REPS2: variants seen among roughly 807,000 people sequenced by gnomAD.
REPS2 encodes ralBP1-associated Eps domain-containing protein 2.
REPS2 carries 23 observed loss-of-function variants against 53.6 expected under a neutral mutation model. The observed-to-expected ratio is 0.43, with a 90% CI of 0.31 to 0.61. REPS2 has a LOEUF of 0.61. Ranked by LOEUF, REPS2 falls within the 20% of genes least tolerant of loss-of-function variation. The pLI is 0.11. For missense variants in REPS2, 446 were observed against 534.9 expected (o/e 0.83, Z 1.64); for synonymous variants, 238 against 218.6 (o/e 1.09, Z -0.78).
At chrX:17,068,341 T>C (rs1164210983) in intron 9 of REPS2, 61 bp from the exon 10 acceptor site, 24 of 986,423 alleles carry the variant, frequency 2.4e-5, no homozygotes, top group Non-Finnish European at 3.4e-5. Flanking sequence ...TTTCATCATA[T>C]GTGCGCATCA....
At chrX:17,102,028 T>TTATGTTATG (rs2062811590) in intron 13 of REPS2, among the ~76,000 whole-genome samples, 4 of 95,264 alleles carry the variant, frequency 4.2e-5, no homozygotes, top group African/African-American at 1.7e-4. Context: ...TTTATTTTAT[T>TTATGTTATG]TTATGTTATG....
At chrX:17,101,874 C>A (rs767668279) in intron 13 of REPS2, among the ~76,000 whole-genome samples, 2 of 111,341 alleles carry the variant, frequency 1.8e-5, no homozygotes, top group African/African-American at 6.5e-5. Context: ...CTCTCTGTTA[C>A]TTCATCTTGG....
the REPS2 span, among the ~76,000 whole-genome samples, chrX:17,163,698 G>A: frequency 0.054 from 6,091 of 112,005 alleles, 150 homozygotes; most frequent in Non-Finnish European, 0.086. Flanking sequence ...GAAAGAACAA[G>A]TATCAACCAA....
rs534955441 is a variant in REPS2 at position 17,065,748 on chromosome X, A to G, written c.1210-2654A>G. 6.3e-5 allele frequency among the ~76,000 whole-genome samples: 7 copies of G among 111,056 alleles called. No individual in the cohort carries two copies. In the South Asian group the frequency reaches 2.7e-3, roughly 42 times the overall value. On this transcript the variant is annotated intron_variant, in intron 9 of 17. Transcript: ENST00000357277. ...ACTACAGGTGCGTGCCACCAAGCCC[A>G]GATAATTTTTCTATTTTTAGTGGAG...
chrX:17,015,046 T>C (rs934455703), intron 2 of REPS2, among the ~76,000 whole-genome samples: 4 of 113,251 alleles, frequency 3.5e-5, no homozygotes, highest in Non-Finnish European at 7.5e-5. Context: ...AATTTCTCTG[T>C]TTCAAATGAC....
At chrX:17,134,170 G>C (rs185999709) in intron 15 of REPS2, among the ~76,000 whole-genome samples, 21 of 111,534 alleles carry the variant, frequency 1.9e-4, no homozygotes, top group African/African-American at 5.5e-4. Context: ...TTTATGGCAA[G>C]AGCTAAAAGG....
At chrX:17,050,198 T>TCTTTTCTTTTCTTTTC (rs1185481723) in intron 6 of REPS2, among the ~76,000 whole-genome samples, 6 of 22,960 alleles carry the variant, frequency 2.6e-4, no homozygotes, top group Non-Finnish European at 4.2e-4. Context: ...TTCTTTCTTT[T>TCTTTTCTTTTCTTTTC]TTTTTTTTTT....
chrX:17,059,032 A>G (rs2062115388), intron 8 of REPS2, among the ~76,000 whole-genome samples: 1 of 90,009 alleles, frequency 1.1e-5, no homozygotes, highest in Admixed American at 1.4e-4. Flanking sequence ...TTTTTTTGAG[A>G]CGGAGTCTTG....
At chrX:17,132,811 T>TA (rs1429354500) in intron 14 of REPS2, among the ~76,000 whole-genome samples, 7 of 112,325 alleles carry the variant, frequency 6.2e-5, no homozygotes, top group African/African-American at 2.3e-4. Context: ...GTGCTGGGAT[T>TA]ACAGGCATGA....
chrX:17,034,504 C>G lies in REPS2; in HGVS notation c.771+4881C>G, dbSNP rs112113151. ...AGAGACGGGGTTTCTCCATGTTGGT[C>G]AGGCTGGTCTTGAACTCCTGACCTC... On this transcript the variant is annotated intron_variant, in intron 5 of 17. Coordinates refer to ENST00000357277, the MANE Select transcript of REPS2 (RefSeq NM_004726.3). Among the ~76,000 whole-genome samples, 548 of 111,238 alleles carry G rather than the reference C, an allele frequency of 4.9e-3. 3 individuals carry two copies. The highest frequency in any genetic ancestry group is 0.017 in the African/African-American group (527 of 30,602).
At chrX:17,186,502 A>G in the REPS2 span, among the ~76,000 whole-genome samples, 1 of 112,234 alleles carries the variant, frequency 8.9e-6, no homozygotes, top group Non-Finnish European at 1.9e-5. Context: ...TTGGTGGTCA[A>G]GCCAAGATTT....
chrX:17,052,272 T>A, intron 6 of REPS2, 110 bp from the exon 7 acceptor site: 1 of 549,859 alleles, frequency 1.8e-6, no homozygotes, highest in Non-Finnish European at 2.9e-6. Context: ...ATGTTTGTGG[T>A]TATACAGAAG....
chrX:17,038,206 A>G (rs1048932074), intron 5 of REPS2, among the ~76,000 whole-genome samples: 3 of 112,361 alleles, frequency 2.7e-5, no homozygotes, highest in Admixed American at 1.9e-4. Context: ...AAAACTGACA[A>G]TTGCCCTAAA....
chrX:17,080,856 G>A lies in REPS2; in HGVS notation c.1516+3449G>A, dbSNP rs896956914. Among the ~76,000 whole-genome samples, 8 of 111,611 alleles carry A rather than the reference G, an allele frequency of 7.2e-5. 2 individuals carry two copies. The highest frequency in any genetic ancestry group is 1.9e-5 in the Non-Finnish European group (1 of 53,070). On this transcript the variant is annotated intron_variant, in intron 13 of 17. Transcript: ENST00000357277. ...GCTACATCTCTCTTTGCCTAACCAC[G>A]GGGACCACTTCTTTCTTCTTCATTT...
At chrX:16,951,559 A>ACACAC (rs879259718) in intron 1 of REPS2, among the ~76,000 whole-genome samples, 1,997 of 37,451 alleles carry the variant, frequency 0.053, 86 homozygotes, top group Middle Eastern at 0.15. Flanking sequence ...ACACACACAC[A>ACACAC]CCCCCGCTAC....
chrX:16,948,395 T>C (rs2060468072), intron 1 of REPS2, among the ~76,000 whole-genome samples: 1 of 112,518 alleles, frequency 8.9e-6, no homozygotes, highest in Non-Finnish European at 1.9e-5. Context: ...TGTAGACAGT[T>C]CTGCCATTGC....
At chrX:16,965,063 A>C (rs768836916) in intron 1 of REPS2, among the ~76,000 whole-genome samples, 1 of 70,683 alleles carries the variant, frequency 1.4e-5, no homozygotes, top group Non-Finnish European at 2.6e-5. Context: ...CCTCCCTCCC[A>C]GATGGGGCAG....
chrX:17,117,999 G>A (rs1315123479), intron 14 of REPS2, among the ~76,000 whole-genome samples: 3 of 72,056 alleles, frequency 4.2e-5, no homozygotes, highest in Admixed American at 2.3e-4. Flanking sequence ...TCGCTCTGTC[G>A]CCCAGGCTGG....
intron 17 of REPS2, among the ~76,000 whole-genome samples, chrX:17,140,948 T>A (rs1245668482): frequency 9.1e-6 from 1 of 109,979 alleles, no homozygotes; most frequent in African/African-American, 3.3e-5. Context: ...CTTTTTGTAT[T>A]TTTAGTAGAG....
Sources: allele counts gnomAD v4.1 joint callset (sites outside exome capture counted in the v4.1 genomes callset), GRCh38; gene constraint gnomAD v4.1.1; transcripts MANE v1.5; gene names NCBI Gene and HGNC (gene_info 2026-07-23, HGNC 2026-07-21).